The following IKZF3 variants were observed in gnomAD, a reference collection of about 807,000 sequenced individuals.
IKZF3 encodes IKAROS family zinc finger 3.
A neutral mutation model predicts 49.0 loss-of-function variants in IKZF3; 10 were observed. That is an observed-to-expected ratio of 0.20 (90% CI 0.13 to 0.35). The LOEUF is 0.35. Ranked by LOEUF, IKZF3 falls within the 10% of genes least tolerant of loss-of-function variation. The pLI is 1.00. For synonymous variants in IKZF3, 209 were observed against 228.2 expected, an observed-to-expected ratio of 0.92 and a Z score of 0.76; for missense variants, 498 against 664.8, an observed-to-expected ratio of 0.75 and a Z score of 2.76.
At chr17:39,783,062 G>T (rs2060784377) in intron 6 of IKZF3, among the ~76,000 whole-genome samples, 1 of 152,128 alleles carries the variant, frequency 6.6e-6, no homozygotes, top group Non-Finnish European at 1.5e-5. Flanking sequence ...CTATGTAATT[G>T]TGTTGTGCTT....
intron 1 of IKZF3, among the ~76,000 whole-genome samples, chr17:39,842,992 C>A (rs568358243): frequency 7.9e-5 from 12 of 152,258 alleles, no homozygotes; most frequent in African/African-American, 2.2e-4. Flanking sequence ...CATAAAGAAA[C>A]AACCAAACTC....
chr17:39,824,057 C>T (rs539497259), intron 3 of IKZF3, among the ~76,000 whole-genome samples: 10 of 152,318 alleles, frequency 6.6e-5, no homozygotes, highest in South Asian at 2.1e-4. Flanking sequence ...AGACACTCAA[C>T]GCCAGCCCGT....
intron 1 of IKZF3, among the ~76,000 whole-genome samples, chr17:39,850,660 CTA>C (rs2062817706): frequency 8.0e-6 from 1 of 124,774 alleles, no homozygotes; most frequent in Non-Finnish European, 1.6e-5. Context: ...AGTATATATA[CTA>C]TATATGTATA....
At chr17:39,767,266 T>C (rs1194170112) in intron 7 of IKZF3, among the ~76,000 whole-genome samples, 2 of 152,180 alleles carry the variant, frequency 1.3e-5, no homozygotes, top group Non-Finnish European at 2.9e-5. Context: ...TGAAAAAATA[T>C]ACTTGTGGTC....
At chr17:39,824,095 C>T (rs2061890896) in intron 3 of IKZF3, among the ~76,000 whole-genome samples, 1 of 152,204 alleles carries the variant, frequency 6.6e-6, no homozygotes, top group Non-Finnish European at 1.5e-5. Flanking sequence ...GGACTGTACC[C>T]TGCAAAGCCA....
chr17:39,771,704 A>T (rs912517165), intron 7 of IKZF3, among the ~76,000 whole-genome samples: 2 of 152,100 alleles, frequency 1.3e-5, no homozygotes, highest in Admixed American at 1.3e-4. Flanking sequence ...CAGAGAGAGA[A>T]CACAGGGGTG....
chr17:39,801,582 T>C (rs1372715636), intron 3 of IKZF3, among the ~76,000 whole-genome samples: 4 of 152,210 alleles, frequency 2.6e-5, no homozygotes, highest in African/African-American at 7.2e-5. Context: ...GTTTTCCTTA[T>C]AAAATTAATG....
intron 1 of IKZF3, chr17:39,834,988 TG>T: frequency 2.4e-6 from 1 of 409,020 alleles, no homozygotes; most frequent in Admixed American, 3.0e-5. Flanking sequence ...ATCAGAGGAC[TG>T]GGACACCAGC....
chr17:39,817,938 AATGATGGG>A (rs1748819189), intron 3 of IKZF3, among the ~76,000 whole-genome samples: 1 of 152,150 alleles, frequency 6.6e-6, no homozygotes, highest in South Asian at 2.1e-4. Context: ...CATGCTCCTT[AATGATGGG>A]ATGCATTCTA....
chr17:39,777,951 C>T (rs2060632604), intron 6 of IKZF3, 184 bp from the exon 7 acceptor site: 1 of 1,294,836 alleles, frequency 7.7e-7, no homozygotes, highest in Admixed American at 4.0e-5. Context: ...CACCAGGGCA[C>T]ATTCAAATCT....
rs768606972 is a variant in IKZF3 at position 39,824,693 on chromosome 17, C to CT, written c.163+4693dup. 4.5e-3 allele frequency among the ~76,000 whole-genome samples: 643 copies of CT among 141,618 alleles called. 1 individual carries two copies. The highest frequency in any genetic ancestry group is 0.012 in the African/African-American group (453 of 38,734). 92.9% of individuals were successfully genotyped at this position (141,618 alleles called of 152,430 possible). A position where few individuals can be genotyped will look rare whatever the true frequency, so the allele number is the denominator to read the frequency against. On this transcript the variant is annotated intron_variant, in intron 3 of 7. Transcript: ENST00000346872. ...AGTGAGTTCTCATAAGATCTGATGG[C>CT]TTTTTTTTTTTTTTCCTTTTGAGAC...
At chr17:39,825,427 T>C (rs2061930765) in intron 3 of IKZF3, among the ~76,000 whole-genome samples, 1 of 152,148 alleles carries the variant, frequency 6.6e-6, no homozygotes. Flanking sequence ...AGGAAAAACC[T>C]TAGGTCAGAG....
At position 39,796,418 on chromosome 17, in the gene IKZF3, A is replaced by G. The variant is rs2061162518; in HGVS notation, c.164-3485T>C. Among the ~76,000 whole-genome samples the G allele has an allele frequency of 3.3e-5, 5 of 152,126 alleles. 1 individual carries two copies. In the South Asian group the frequency reaches 1.0e-3, roughly 32 times the overall value. The stretch of plus-strand genomic sequence containing the variant: ...CAATTTCTACATCAAGTCAGTCTCC[A>G]AGATCTATCAACTCTATGTCTTCAG... On this transcript the variant is annotated intron_variant, in intron 3 of 7. Coordinates refer to ENST00000346872, the MANE Select transcript of IKZF3 (RefSeq NM_012481.5).
At position 39,812,317 on chromosome 17, in the gene IKZF3, T is replaced by C. The variant is rs182720751; in HGVS notation, c.163+17070A>G. Among the ~76,000 whole-genome samples, 110 of 152,228 alleles carry C rather than the reference T, an allele frequency of 7.2e-4. 2 individuals carry two copies. Among genetic ancestry groups the C allele is most frequent in the Admixed American group, 6.8e-3 (104 of 15,278 alleles). On this transcript the variant is annotated intron_variant, in intron 3 of 7. Transcript: ENST00000346872. Reference sequence around the variant, plus strand: ...CAGAACACCCAAAACCCAAAATCCCTTTGGGCTGACAAATTACAAAAAATT... The same window carrying C: ...CAGAACACCCAAAACCCAAAATCCCCTTGGGCTGACAAATTACAAAAAATT...
chr17:39,858,636 G>A (rs1395666663), intron 1 of IKZF3, among the ~76,000 whole-genome samples: 3 of 151,274 alleles, frequency 2.0e-5, no homozygotes, highest in Admixed American at 6.6e-5. Flanking sequence ...TCAGCCTCCC[G>A]AGTAGCTGGG....
chr17:39,829,924 C>T (rs2062065142), intron 2 of IKZF3, among the ~76,000 whole-genome samples: 1 of 151,962 alleles, frequency 6.6e-6, no homozygotes, highest in Non-Finnish European at 1.5e-5. Flanking sequence ...TGCACTCCAG[C>T]CTGGGTGACA....
At chr17:39,850,542 AT>A (rs2062798377) in intron 1 of IKZF3, among the ~76,000 whole-genome samples, 1 of 126,642 alleles carries the variant, frequency 7.9e-6, no homozygotes, top group Non-Finnish European at 1.6e-5. Flanking sequence ...ACATGTACAT[AT>A]TATAGCATAT....
At chr17:39,856,427 C>T (rs925889361) in intron 1 of IKZF3, among the ~76,000 whole-genome samples, 7 of 152,044 alleles carry the variant, frequency 4.6e-5, no homozygotes, top group African/African-American at 1.4e-4. Flanking sequence ...CACGTGCCAC[C>T]ACACCCAGCT....
At position 39,820,407 on chromosome 17, in the gene IKZF3, G is replaced by A. The variant is rs186969275; in HGVS notation, c.163+8980C>T. ...TGCTCAAAACTCACAAAAAAGCCTG[G>A]AAGTAAGTACTCTGTAATGCTATTA... On this transcript the variant is annotated intron_variant, in intron 3 of 7. Transcript: ENST00000346872. Among the ~76,000 whole-genome samples the A allele has an allele frequency of 2.0e-4, 31 of 152,306 alleles. No homozygotes were observed. In the Middle Eastern group the frequency reaches 0.01, roughly 50 times the overall value.
Sources: allele counts gnomAD v4.1 joint callset (sites outside exome capture counted in the v4.1 genomes callset), GRCh38; gene constraint gnomAD v4.1.1; transcripts MANE v1.5; gene names NCBI Gene and HGNC (gene_info 2026-07-23, HGNC 2026-07-21).